CDH4: variants seen among roughly 807,000 people sequenced by gnomAD.
CDH4 encodes the protein cadherin-4.
Under a neutral mutation model 86.0 loss-of-function variants are expected in CDH4, and 33 were observed. The observed-to-expected ratio is 0.38, with a 90% confidence interval of 0.29 to 0.51. CDH4 has a LOEUF of 0.51. CDH4 is among the 20% of genes least tolerant of loss of function. The probability of loss-of-function intolerance (pLI) is 0.86; values close to 1 mark genes in which losing one functional copy is unlikely to be tolerated. For missense variants in CDH4, 1,114 were observed against 1,307.4 expected, an observed-to-expected ratio of 0.85 and a Z score of 2.28; for synonymous variants, 555 against 549.4, an observed-to-expected ratio of 1.01 and a Z score of -0.14.
chr20:61,726,219 C>T (rs1417919919), intron 2 of CDH4, among the ~76,000 whole-genome samples: 3 of 152,072 alleles, frequency 2.0e-5, no homozygotes, highest in Non-Finnish European at 1.5e-5. Flanking sequence ...ACAGAAGAAA[C>T]AGGAGCCGAA....
chr20:61,350,719 C>G (rs900565237), intron 2 of CDH4, among the ~76,000 whole-genome samples: 1 of 152,216 alleles, frequency 6.6e-6, no homozygotes, highest in Admixed American at 6.5e-5. Context: ...AGAGGCCCCC[C>G]CCCAGTGCTA....
In CDH4 at chr20:61,457,860, GTGGTGATGGTGATGGTATGA is replaced by G. The variant is rs1194136654; in HGVS notation, c.169+202924_169+202943del. Among the ~76,000 whole-genome samples, 335 of 151,816 alleles carry G rather than the reference GTGGTGATGGTGATGGTATGA, an allele frequency of 2.2e-3. 1 individual carries two copies. The highest frequency in any genetic ancestry group is 6.8e-3 in the Middle Eastern group (2 of 292). On this transcript the variant is annotated intron_variant, in intron 2 of 15. Transcript: ENST00000614565. ...GACAACAGTGTTGACACTGGTGGTG[GTGGTGATGGTGATGGTATGA>G]CTGACACTAGTGGTGGTGATGGTCA...
In CDH4 at chr20:61,443,966, A is replaced by G. The variant is rs199942402; in HGVS notation, c.169+189029A>G. 1.8e-4 allele frequency among the ~76,000 whole-genome samples: 27 copies of G among 147,314 alleles called. 1 individual carries two copies. In the South Asian group the frequency reaches 2.2e-3, roughly 12 times the overall value. ...TATCTGTGTGTGTGTCTGTGTGTGT[A>G]TCTGTGTGTGTGATTGTGCGTATCT... On this transcript the variant is annotated intron_variant, in intron 2 of 15. Coordinates refer to ENST00000614565, the MANE Select transcript of CDH4 (RefSeq NM_001794.5).
At chr20:61,826,176 G>A (rs181865074) in intron 4 of CDH4, among the ~76,000 whole-genome samples, 9 of 152,288 alleles carry the variant, frequency 5.9e-5, no homozygotes, top group South Asian at 4.1e-4. Context: ...ATCCCTTCTC[G>A]TGGGGGTGGA....
At chr20:61,330,298 C>T (rs2084565321) in intron 2 of CDH4, among the ~76,000 whole-genome samples, 1 of 152,172 alleles carries the variant, frequency 6.6e-6, no homozygotes, top group Non-Finnish European at 1.5e-5. Context: ...ATCACACTGT[C>T]TTCCACAATG....
intron 3 of CDH4, among the ~76,000 whole-genome samples, chr20:61,750,358 A>G (rs868623377): frequency 1.3e-5 from 2 of 152,228 alleles, no homozygotes; most frequent in African/African-American, 4.8e-5. Context: ...ATTTATACCA[A>G]TACACTTAAA....
At chr20:61,717,867 G>A (rs1358324950) in intron 2 of CDH4, 1 of 152,422 alleles carries the variant, frequency 6.6e-6, no homozygotes, top group Non-Finnish European at 1.5e-5. Context: ...TGAACCAGGT[G>A]TTGGGCTAGT....
intron 2 of CDH4, among the ~76,000 whole-genome samples, chr20:61,643,253 C>T (rs748306711): frequency 1.1e-4 from 16 of 152,258 alleles, no homozygotes; most frequent in Admixed American, 5.2e-4. Flanking sequence ...GGCCCACTTT[C>T]GTGGTAACGA....
chr20:61,825,308 C>T (rs1981257737), intron 4 of CDH4, among the ~76,000 whole-genome samples: 1 of 152,170 alleles, frequency 6.6e-6, no homozygotes, highest in Non-Finnish European at 1.5e-5. Flanking sequence ...GCTTAGGAAG[C>T]TGAGGCACGA....
chr20:61,616,181 C>G (rs1377275384), intron 2 of CDH4, among the ~76,000 whole-genome samples: 1 of 152,242 alleles, frequency 6.6e-6, no homozygotes, highest in Non-Finnish European at 1.5e-5. Context: ...TGACACTGCA[C>G]CAGCACTGCC....
At chr20:61,431,251 A>T (rs2077260) in intron 2 of CDH4, among the ~76,000 whole-genome samples, 13,171 of 152,228 alleles carry the variant, frequency 0.087, 796 homozygotes, top group African/African-American at 0.16. Context: ...CACTATTTCA[A>T]ATCTTAAATT....
chr20:61,357,098 G>A (rs1396106689), intron 2 of CDH4, among the ~76,000 whole-genome samples: 3 of 152,150 alleles, frequency 2.0e-5, no homozygotes, highest in Admixed American at 6.5e-5. Flanking sequence ...CCCAACCTCC[G>A]CCCAGGCTAG....
intron 13 of CDH4, among the ~76,000 whole-genome samples, chr20:61,931,909 C>G (rs552459006): frequency 6.4e-4 from 98 of 152,222 alleles, no homozygotes; most frequent in African/African-American, 2.3e-3. Context: ...ACCCCAATTC[C>G]TTTGAGTGGT....
At chr20:61,616,652 T>C (rs1042791471) in intron 2 of CDH4, among the ~76,000 whole-genome samples, 2 of 152,148 alleles carry the variant, frequency 1.3e-5, no homozygotes, top group African/African-American at 4.8e-5. Context: ...TCCCTGGAAG[T>C]TTTCTTTCAG....
chr20:61,606,216 G>A (rs1357282305), intron 2 of CDH4, among the ~76,000 whole-genome samples: 1 of 152,114 alleles, frequency 6.6e-6, no homozygotes, highest in Non-Finnish European at 1.5e-5. Flanking sequence ...AGGTGGCCAA[G>A]CAGACAGAGA....
chr20:61,813,952 A>G (rs1217593308), intron 4 of CDH4, among the ~76,000 whole-genome samples: 5 of 152,160 alleles, frequency 3.3e-5, no homozygotes, highest in Non-Finnish European at 7.4e-5. Context: ...TCCCCAGCCC[A>G]ATATGTAGCA....
chr20:61,933,052 C>A lies in CDH4; in HGVS notation c.2307C>A (p.Leu769=). The A allele has an allele frequency of 1.2e-6, 2 of 1,613,306 alleles. No individual in the cohort carries two copies. The highest frequency in any genetic ancestry group is 2.2e-5 in the South Asian group (2 of 91,070). ...REKERHTKQL[L]IDPEDDVRDN... is the part of the protein sequence containing the mutation. Reference sequence around the variant, plus strand: ...AGGAGCGCCACACGAAGCAGCTGCTCATTGACCCCGAGGACGACGTCCGCG... The same window carrying A: ...AGGAGCGCCACACGAAGCAGCTGCTAATTGACCCCGAGGACGACGTCCGCG... The change falls in exon 14 of 16, where the codon CTC becomes CTA. Residue 769 remains leucine, a synonymous_variant. Transcript: ENST00000614565.
intron 2 of CDH4, among the ~76,000 whole-genome samples, chr20:61,509,624 A>G (rs1248508951): frequency 6.6e-6 from 1 of 151,888 alleles, no homozygotes; most frequent in African/African-American, 2.4e-5. Flanking sequence ...CCAGAGGTGC[A>G]TGCACAGCCG....
At chr20:61,319,744 A>C (rs1454739185) in intron 2 of CDH4, among the ~76,000 whole-genome samples, 1 of 151,924 alleles carries the variant, frequency 6.6e-6, no homozygotes, top group Non-Finnish European at 1.5e-5. Flanking sequence ...CCAGGAGTTC[A>C]AGACCACCCT....
Sources: gnomAD v4.1 joint callset for allele counts (sites outside exome capture counted in the v4.1 genomes callset) on GRCh38, gnomAD v4.1.1 for gene constraint, MANE v1.5 for transcripts, NCBI Gene and HGNC (gene_info 2026-07-23, HGNC 2026-07-21) for gene names.